Variants in ZSWIM6 observed in about 807,000 individuals in gnomAD.
The protein encoded by ZSWIM6 is zinc finger SWIM domain-containing protein 6.
A neutral mutation model predicts 113.2 loss-of-function variants in ZSWIM6; 9 were observed. The ratio of observed to expected loss-of-function variants is 0.08; its 90% CI spans 0.05 to 0.14. The LOEUF is 0.14. ZSWIM6 is among the 10% of genes least tolerant of loss of function. The probability of loss-of-function intolerance (pLI) is 1.00; values close to 1 mark genes in which losing one functional copy is unlikely to be tolerated. For synonymous variants in ZSWIM6, 611 were observed against 606.5 expected (o/e 1.01, Z -0.11); for missense variants, 1,162 against 1,552.2 (o/e 0.75, Z 4.22).
intron 2 of ZSWIM6, among the ~76,000 whole-genome samples, chr5:61,477,029 A>G (rs879796802): frequency 6.6e-6 from 1 of 152,234 alleles, no homozygotes; most frequent in Non-Finnish European, 1.5e-5. Flanking sequence ...AGTACTCATC[A>G]CAGTTAAGAA....
chr5:61,492,877 C>T (rs1425043151), intron 3 of ZSWIM6, among the ~76,000 whole-genome samples: 3 of 152,050 alleles, frequency 2.0e-5, no homozygotes, highest in African/African-American at 4.8e-5. Context: ...CCTTTCCTTG[C>T]CTTTCACATA....
chr5:61,384,599 TTC>T (rs1745556291), intron 1 of ZSWIM6, among the ~76,000 whole-genome samples: 2 of 152,188 alleles, frequency 1.3e-5, no homozygotes, highest in Admixed American at 6.5e-5. Flanking sequence ...AGATTATTGT[TTC>T]TGTTTGCTTG....
intron 1 of ZSWIM6, among the ~76,000 whole-genome samples, chr5:61,333,406 C>A (rs1744311709): frequency 1.3e-5 from 2 of 151,736 alleles, no homozygotes; most frequent in South Asian, 4.1e-4. Context: ...CTCGGCGCTC[C>A]CCCCCTCTCC....
intron 4 of ZSWIM6, among the ~76,000 whole-genome samples, chr5:61,511,936 T>C (rs1349811456): frequency 6.6e-6 from 1 of 152,160 alleles, no homozygotes; most frequent in African/African-American, 2.4e-5. Flanking sequence ...AATGGGAATA[T>C]GATTATTTAA....
At chr5:61,512,761 A>C (rs935364819) in intron 4 of ZSWIM6, among the ~76,000 whole-genome samples, 1 of 152,084 alleles carries the variant, frequency 6.6e-6, no homozygotes, top group Non-Finnish European at 1.5e-5. Context: ...GCAATTTGGC[A>C]TCTGTGTATT....
rs1749679513 is a variant in ZSWIM6 at position 61,539,699 on chromosome 5, T to A, written c.2643T>A (p.Thr881=). Residue 881 remains threonine, a synonymous_variant, in exon 12 of 14, where the codon ACT becomes ACA. Coordinates refer to ENST00000252744, the MANE Select transcript of ZSWIM6 (RefSeq NM_020928.2). ...KLAQDAFKIA[T]LMDSLPDITL... ...CCCAAGATGCATTTAAAATAGCAAC[T>A]CTCATGGACAGTTTGCCAGACATCA... 2 of 1,551,840 alleles carry A rather than the reference T, an allele frequency of 1.3e-6. No individual in the cohort carries two copies. The highest frequency in any genetic ancestry group is 1.7e-6 in the Non-Finnish European group (2 of 1,147,002).
chr5:61,526,224 T>C (rs1156475700), intron 6 of ZSWIM6, 26 bp from the exon 7 acceptor site: 10 of 1,532,152 alleles, frequency 6.5e-6, no homozygotes, highest in Non-Finnish European at 8.8e-6. Context: ...CAGTGGCAAC[T>C]TTACCCCCTT....
chr5:61,394,848 C>T (rs1437854040), intron 1 of ZSWIM6, among the ~76,000 whole-genome samples: 1 of 152,094 alleles, frequency 6.6e-6, no homozygotes, highest in African/African-American at 2.4e-5. Flanking sequence ...ACAGCTGCTA[C>T]AGGGGGTACT....
intron 1 of ZSWIM6, among the ~76,000 whole-genome samples, chr5:61,399,743 G>A (rs372886145): frequency 4.6e-5 from 7 of 152,142 alleles, no homozygotes; most frequent in East Asian, 1.9e-4. Flanking sequence ...TACTTCCCAC[G>A]TCTGAATGAA....
At chr5:61,474,507 C>T (rs1215649389) in intron 2 of ZSWIM6, among the ~76,000 whole-genome samples, 1 of 152,042 alleles carries the variant, frequency 6.6e-6, no homozygotes, top group African/African-American at 2.4e-5. Context: ...AATATCAATC[C>T]AACACATATC....
chr5:61,417,575 TAAATG>T (rs1453774345), intron 1 of ZSWIM6, among the ~76,000 whole-genome samples: 2 of 152,096 alleles, frequency 1.3e-5, no homozygotes, highest in African/African-American at 4.8e-5. Flanking sequence ...GTCTGAAACA[TAAATG>T]AAAAGCAAAA....
At chr5:61,368,462 T>G (rs7446236) in intron 1 of ZSWIM6, among the ~76,000 whole-genome samples, 1 of 152,200 alleles carries the variant, frequency 6.6e-6, no homozygotes, top group East Asian at 1.9e-4. Context: ...AATTGAAATG[T>G]CTTGCTTGAT....
intron 4 of ZSWIM6, among the ~76,000 whole-genome samples, chr5:61,512,538 C>T (rs1393432602): frequency 6.6e-6 from 1 of 152,110 alleles, no homozygotes; most frequent in Non-Finnish European, 1.5e-5. Context: ...TGTGAAACCG[C>T]CAAACTGTTT....
At chr5:61,372,976 T>A (rs1032165353) in intron 1 of ZSWIM6, among the ~76,000 whole-genome samples, 1 of 152,186 alleles carries the variant, frequency 6.6e-6, no homozygotes, top group Non-Finnish European at 1.5e-5. Context: ...AAGTCATACA[T>A]GAATATATTC....
intron 1 of ZSWIM6, among the ~76,000 whole-genome samples, chr5:61,355,064 A>T (rs56205295): frequency 0.013 from 2,043 of 152,308 alleles, 24 homozygotes; most frequent in Middle Eastern, 0.037. Context: ...TTTTAATCAC[A>T]TTAAAAATGT....
chr5:61,390,659 T>C, intron 1 of ZSWIM6: 1 of 821,548 alleles, frequency 1.2e-6, no homozygotes, highest in Non-Finnish European at 2.1e-6. Context: ...GCAAAAACTG[T>C]TCCTGGCATT....
Position 61,390,256 on chromosome 5 carries a change from G to A in ZSWIM6, c.676+57308G>A, listed in dbSNP as rs565130657. Among the ~76,000 whole-genome samples the A allele has an allele frequency of 2.0e-5, 3 of 152,122 alleles. No individual in the cohort carries two copies. In the South Asian group the frequency reaches 6.2e-4, roughly 32 times the overall value. On this transcript the variant is annotated intron_variant, in intron 1 of 13. Transcript: ENST00000252744. ...CATTTTTTTCTGTGCTATTTATTTT[G>A]ACTAAGAAGGTTGCTGTAATTAACC...
rs57439648 is a variant in ZSWIM6, at chr5:61,398,912, G to GT, written c.676+65992dup. 2.4e-3 allele frequency among the ~76,000 whole-genome samples: 150 copies of GT among 61,786 alleles called. 11 individuals are homozygous for GT. Among genetic ancestry groups the GT allele is most frequent in the African/African-American group, 6.1e-3 (109 of 17,762 alleles). The allele number at this position is 61,786 out of a possible 152,430, so 40.5% of individuals were successfully genotyped here. On this transcript the variant is annotated intron_variant, in intron 1 of 13. Coordinates refer to ENST00000252744, the MANE Select transcript of ZSWIM6 (RefSeq NM_020928.2). ...GAAGGAGAGCAAGTTGTGTATAGTTGTTTTTTTTTTTTTTTTTTTTTTTTT... is the reference window on the plus strand; with the variant it reads ...GAAGGAGAGCAAGTTGTGTATAGTTGTTTTTTTTTTTTTTTTTTTTTTTTTT...
At chr5:61,334,009 G>T (rs991818769) in intron 1 of ZSWIM6, among the ~76,000 whole-genome samples, 1 of 152,214 alleles carries the variant, frequency 6.6e-6, no homozygotes, top group Non-Finnish European at 1.5e-5. Context: ...TCATTTTCAG[G>T]TTTTTTTGTG....
Sources: allele counts gnomAD v4.1 joint callset (sites outside exome capture counted in the v4.1 genomes callset), GRCh38; gene constraint gnomAD v4.1.1; transcripts MANE v1.5; gene names NCBI Gene and HGNC (gene_info 2026-07-23, HGNC 2026-07-21).